Variants in PPARGC1A observed in about 807,000 individuals in gnomAD.
PPARGC1A encodes peroxisome proliferator-activated receptor gamma coactivator 1-alpha.
Under a neutral mutation model 88.7 loss-of-function variants are expected in PPARGC1A, and 25 were observed. The ratio of observed to expected loss-of-function variants is 0.28; its 90% CI spans 0.21 to 0.39. PPARGC1A has a LOEUF of 0.39. PPARGC1A is among the 10% of genes least tolerant of loss of function. The pLI is 1.00. For missense variants in PPARGC1A, 880 were observed against 968.7 expected (o/e 0.91, Z 1.22); for synonymous variants, 363 against 355.6 (o/e 1.02, Z -0.24).
At chr4:23,983,234 T>C in the PPARGC1A span, among the ~76,000 whole-genome samples, 27,113 of 152,150 alleles carry the variant, frequency 0.18, 3,038 homozygotes, top group Admixed American at 0.34. Context: ...ATATAAAGCA[T>C]CTGGCATCAC....
At chr4:24,134,806 C>T in the PPARGC1A span, among the ~76,000 whole-genome samples, 4 of 152,154 alleles carry the variant, frequency 2.6e-5, no homozygotes, top group African/African-American at 9.7e-5. Context: ...TGAATTTTTG[C>T]TCTTAAGAGC....
At chr4:23,917,771 G>C in the PPARGC1A span, among the ~76,000 whole-genome samples, 1 of 152,182 alleles carries the variant, frequency 6.6e-6, no homozygotes, top group South Asian at 2.1e-4. Context: ...ACTAAAATTA[G>C]TAGTGCCAAT....
the PPARGC1A span, among the ~76,000 whole-genome samples, chr4:23,971,281 TTA>T: frequency 6.6e-6 from 1 of 152,164 alleles, no homozygotes. Flanking sequence ...TATTACATGG[TTA>T]CTGATGTAAC....
At chr4:24,440,158 T>A in the PPARGC1A span, among the ~76,000 whole-genome samples, 4 of 152,362 alleles carry the variant, frequency 2.6e-5, no homozygotes, top group South Asian at 8.3e-4. Flanking sequence ...TGAACTGTTA[T>A]CTCAATATTG....
chr4:23,936,658 G>A, the PPARGC1A span, among the ~76,000 whole-genome samples: 4 of 152,100 alleles, frequency 2.6e-5, no homozygotes, highest in Non-Finnish European at 5.9e-5. Flanking sequence ...GATCACTTGA[G>A]GTCAGGAGTT....
the PPARGC1A span, among the ~76,000 whole-genome samples, chr4:24,069,206 C>A: frequency 1.3e-5 from 2 of 152,120 alleles, no homozygotes; most frequent in Non-Finnish European, 2.9e-5. Flanking sequence ...AATGGCAGTG[C>A]CTAGAGCCAA....
chr4:24,451,561 G>A, the PPARGC1A span, among the ~76,000 whole-genome samples: 2 of 152,154 alleles, frequency 1.3e-5, no homozygotes, highest in East Asian at 3.9e-4. Context: ...GTTTTTTTGG[G>A]TTGTCTTTTG....
At chr4:23,891,025 C>T (rs945387749), upstream of PPARGC1A, among the ~76,000 whole-genome samples, 8 of 152,072 alleles carry the variant, frequency 5.3e-5, no homozygotes, top group Non-Finnish European at 1.2e-4. Flanking sequence ...TGTCTGTGAA[C>T]TGAGGGAAAA....
At chr4:23,969,038 C>A in the PPARGC1A span, among the ~76,000 whole-genome samples, 7 of 152,122 alleles carry the variant, frequency 4.6e-5, no homozygotes, top group Admixed American at 3.9e-4. Flanking sequence ...GCAGAGTAAC[C>A]CTTCTCGCCC....
the PPARGC1A span, among the ~76,000 whole-genome samples, chr4:24,176,509 A>C: frequency 6.6e-6 from 1 of 152,156 alleles, no homozygotes; most frequent in East Asian, 1.9e-4. Context: ...GAGGGTCATG[A>C]AAATGACAAT....
chr4:24,193,265 C>T, the PPARGC1A span, among the ~76,000 whole-genome samples: 1 of 152,116 alleles, frequency 6.6e-6, no homozygotes, highest in Non-Finnish European at 1.5e-5. Flanking sequence ...GACGCAAGGC[C>T]GGGAATGTAT....
At chr4:24,104,935 A>G in the PPARGC1A span, among the ~76,000 whole-genome samples, 37 of 152,276 alleles carry the variant, frequency 2.4e-4, 1 homozygote, top group African/African-American at 8.7e-4. Flanking sequence ...CTGAGCCTCA[A>G]TTTCATCATC....
chr4:24,361,148 A>G, the PPARGC1A span, among the ~76,000 whole-genome samples: 1 of 152,046 alleles, frequency 6.6e-6, no homozygotes, highest in East Asian at 1.9e-4. Context: ...CAGGGACAAG[A>G]AGGAAGAAGG....
intron 7 of PPARGC1A, among the ~76,000 whole-genome samples, chr4:23,817,634 A>G (rs1213941184): frequency 6.6e-6 from 1 of 152,190 alleles, no homozygotes; most frequent in African/African-American, 2.4e-5. Context: ...GTTGAAACAA[A>G]TAGGTAATAT....
At chr4:24,216,877 T>G in the PPARGC1A span, among the ~76,000 whole-genome samples, 1 of 152,134 alleles carries the variant, frequency 6.6e-6, no homozygotes, top group Non-Finnish European at 1.5e-5. Flanking sequence ...TGACCTTAGG[T>G]GCATTGTTTA....
the PPARGC1A span, among the ~76,000 whole-genome samples, chr4:24,237,010 T>C: frequency 6.6e-6 from 1 of 152,190 alleles, no homozygotes; most frequent in South Asian, 2.1e-4. Context: ...AAATTATAGA[T>C]CTTATTATTG....
the PPARGC1A span, among the ~76,000 whole-genome samples, chr4:24,054,340 C>T: frequency 6.7e-6 from 1 of 149,200 alleles, no homozygotes; most frequent in Admixed American, 6.7e-5. Flanking sequence ...TATATTTGCA[C>T]TTATAATGCA....
chr4:24,465,230 G>A, the PPARGC1A span, among the ~76,000 whole-genome samples: 7 of 152,238 alleles, frequency 4.6e-5, no homozygotes, highest in African/African-American at 9.6e-5. Context: ...GGTGGGGGTG[G>A]ATCTGGTACC....
chr4:24,011,086 G>A, the PPARGC1A span, among the ~76,000 whole-genome samples: 1 of 152,152 alleles, frequency 6.6e-6, no homozygotes, highest in Non-Finnish European at 1.5e-5. Flanking sequence ...ACAAATGGAA[G>A]GGACCACTGT....
Sources: allele counts gnomAD v4.1 joint callset (sites outside exome capture counted in the v4.1 genomes callset), GRCh38; gene constraint gnomAD v4.1.1; transcripts MANE v1.5; gene names NCBI Gene and HGNC (gene_info 2026-07-23, HGNC 2026-07-21).